Variants in CATSPERT observed in about 807,000 individuals in gnomAD.
CATSPERT encodes cation channel sperm-associated targeting subunit tau.
At chr2:201,599,212 TG>T in the CATSPERT span, among the ~76,000 whole-genome samples, 1 of 152,208 alleles carries the variant, frequency 6.6e-6, no homozygotes, top group Non-Finnish European at 1.5e-5. Flanking sequence ...GTCATACTTC[TG>T]TAAGTTAAAT....
At chr2:201,493,912 G>C in the CATSPERT span, 1 of 1,536,930 alleles carries the variant, frequency 6.5e-7, no homozygotes, top group Non-Finnish European at 8.7e-7. Flanking sequence ...AGATTGTCCT[G>C]GTCCACTTTC....
the CATSPERT span, among the ~76,000 whole-genome samples, chr2:201,615,680 A>G: frequency 6.6e-6 from 1 of 152,236 alleles, no homozygotes; most frequent in Non-Finnish European, 1.5e-5. Flanking sequence ...TTCAAAAGCT[A>G]GCAGAAGGCA....
At chr2:201,561,012 ACCTCATGATCGGCCCG>A in the CATSPERT span, among the ~76,000 whole-genome samples, 2 of 151,902 alleles carry the variant, frequency 1.3e-5, no homozygotes, top group Non-Finnish European at 2.9e-5. Context: ...CAAACTCCTG[ACCTCATGATCGGCCCG>A]CCTCGGCCTC....
At chr2:201,522,840 A>G in the CATSPERT span, among the ~76,000 whole-genome samples, 3 of 152,168 alleles carry the variant, frequency 2.0e-5, no homozygotes, top group Non-Finnish European at 4.4e-5. Context: ...ACCTGGATAG[A>G]ACAGGGGTAT....
At chr2:201,535,079 G>T in the CATSPERT span, 1 of 916,594 alleles carries the variant, frequency 1.1e-6, no homozygotes, top group Non-Finnish European at 1.3e-6. Context: ...TAAATTTTCT[G>T]TGACTGTGCA....
chr2:201,506,083 T>G, the CATSPERT span, among the ~76,000 whole-genome samples: 1 of 152,084 alleles, frequency 6.6e-6, no homozygotes, highest in African/African-American at 2.4e-5. Flanking sequence ...CTGGCTAACA[T>G]GGTGAAACCC....
the CATSPERT span, among the ~76,000 whole-genome samples, chr2:201,617,839 A>G: frequency 6.6e-6 from 1 of 152,250 alleles, no homozygotes; most frequent in Admixed American, 6.5e-5. Context: ...CAGAATCTAC[A>G]AAGAACTGAA....
At chr2:201,505,427 T>TC in the CATSPERT span, among the ~76,000 whole-genome samples, 1 of 152,146 alleles carries the variant, frequency 6.6e-6, no homozygotes, top group African/African-American at 2.4e-5. Context: ...GCTGCCTTTT[T>TC]CCCTAGTGTC....
chr2:201,587,897 A>G, the CATSPERT span, among the ~76,000 whole-genome samples: 2 of 152,334 alleles, frequency 1.3e-5, no homozygotes, highest in East Asian at 3.9e-4. Context: ...AAAATCTCCA[A>G]GAAATGGATA....
the CATSPERT span, among the ~76,000 whole-genome samples, chr2:201,587,555 ATTG>A: frequency 1.3e-5 from 2 of 151,956 alleles, no homozygotes; most frequent in African/African-American, 4.8e-5. Flanking sequence ...TGATATTCTT[ATTG>A]TTGTGCATCT....
the CATSPERT span, chr2:201,491,428 T>C: frequency 1.3e-6 from 2 of 1,537,228 alleles, no homozygotes; most frequent in Non-Finnish European, 8.7e-7. Flanking sequence ...TTCAGGGAAC[T>C]TGGCACATTT....
chr2:201,564,931 T>C, the CATSPERT span, among the ~76,000 whole-genome samples: 1 of 151,702 alleles, frequency 6.6e-6, no homozygotes, highest in African/African-American at 2.4e-5. Context: ...GGCAGATAAA[T>C]AGAAACTATA....
At chr2:201,540,022 A>T in the CATSPERT span, among the ~76,000 whole-genome samples, 93,319 of 151,598 alleles carry the variant, frequency 0.62, 30,338 homozygotes, top group East Asian at 0.95. Flanking sequence ...GAAAATTTTA[A>T]TAATCTGGAC....
the CATSPERT span, among the ~76,000 whole-genome samples, chr2:201,577,794 T>C: frequency 2.0e-5 from 3 of 152,190 alleles, no homozygotes; most frequent in Non-Finnish European, 4.4e-5. Context: ...CAGGTTCTAG[T>C]GATCTCCTGC....
the CATSPERT span, chr2:201,603,271 C>T: frequency 6.2e-7 from 1 of 1,609,876 alleles, no homozygotes; most frequent in Non-Finnish European, 8.5e-7. Flanking sequence ...GCCCAGGCAG[C>T]CAACCTACAA....
chr2:201,487,863 A>T, the CATSPERT span: 1 of 1,612,520 alleles, frequency 6.2e-7, no homozygotes, highest in Non-Finnish European at 8.5e-7. Flanking sequence ...TGTGTAAATG[A>T]GGTCATGTCA....
chr2:201,600,755 C>CTT, the CATSPERT span, among the ~76,000 whole-genome samples: 238 of 142,640 alleles, frequency 1.7e-3, 1 homozygote, highest in African/African-American at 5.6e-3. Flanking sequence ...TAATGTCATT[C>CTT]TTTTTTTTTT....
At chr2:201,596,575 TA>T in the CATSPERT span, among the ~76,000 whole-genome samples, 4 of 151,268 alleles carry the variant, frequency 2.6e-5, no homozygotes, top group African/African-American at 4.9e-5. Flanking sequence ...ACTTAAAAGT[TA>T]AAAAAAAATA....
chr2:201,600,396 T>C, the CATSPERT span, among the ~76,000 whole-genome samples: 1 of 151,926 alleles, frequency 6.6e-6, no homozygotes, highest in African/African-American at 2.4e-5. Flanking sequence ...TGAGAACACA[T>C]GGACACAGGG....
Sources: gnomAD v4.1 joint callset for allele counts (sites outside exome capture counted in the v4.1 genomes callset) on GRCh38, gnomAD v4.1.1 for gene constraint, MANE v1.5 for transcripts, NCBI Gene and HGNC (gene_info 2026-07-23, HGNC 2026-07-21) for gene names.